ANGPTL1: variants seen among roughly 807,000 people sequenced by gnomAD.
The protein encoded by ANGPTL1 is angiopoietin-related protein 1.
ANGPTL1 carries 36 observed loss-of-function variants against 46.7 expected under a neutral mutation model. The ratio of observed to expected loss-of-function variants is 0.77; its 90% CI spans 0.59 to 1.02. ANGPTL1 has a LOEUF of 1.02. Among genes scored for constraint, ANGPTL1 ranks in the 50% least tolerant of loss-of-function variants. The pLI is 0.00. For synonymous variants in ANGPTL1, 221 were observed against 204.3 expected (o/e 1.08, Z -0.69); for missense variants, 571 against 594.7 (o/e 0.96, Z 0.41).
intron 3 of ANGPTL1, among the ~76,000 whole-genome samples, chr1:178,864,582 T>C (rs1658254005): frequency 6.6e-6 from 1 of 152,048 alleles, no homozygotes; most frequent in South Asian, 2.1e-4. Flanking sequence ...AGGAAGTAAA[T>C]AAAAGAATTG....
intron 1 of ANGPTL1, among the ~76,000 whole-genome samples, chr1:178,869,597 T>C (rs1240206589): frequency 1.3e-5 from 2 of 152,120 alleles, no homozygotes; most frequent in Non-Finnish European, 2.9e-5. Context: ...CACTGTTGCT[T>C]GGAAATTTTG....
At chr1:178,863,193 CA>C in intron 3 of ANGPTL1, among the ~76,000 whole-genome samples, 5 of 152,092 alleles carry the variant, frequency 3.3e-5, no homozygotes, top group Admixed American at 2.6e-4. Flanking sequence ...GAGGGACATG[CA>C]CACAAGAGAC....
chr1:178,850,193 A>C lies in ANGPTL1; in HGVS notation c.*936T>G, dbSNP rs1657082211. ...TTAGTCCCACCTGTTCTGAGCATGC[A>C]CTAATACTTGTAAAGCTGTCCAAAC... On this transcript the variant is annotated 3_prime_UTR_variant, in exon 6 of 6. Transcript: ENST00000234816. The C allele has an allele frequency of 6.6e-6, 1 of 152,640 alleles. No homozygotes were observed. The highest frequency in any genetic ancestry group is 2.1e-4 in the South Asian group (1 of 4,834). 9.5% of individuals were successfully genotyped at this position (152,640 alleles called of 1,614,324 possible). A position where few individuals can be genotyped will look rare whatever the true frequency, so the allele number is the denominator to read the frequency against.
rs758974555 is a variant in ANGPTL1, at chr1:178,865,111, A to ATG, written c.664_665dup (p.Pro224PhefsTer27). Reference sequence around the variant, plus strand: ...GAGTATACTGTTGGCTGTTAGGAATATGTTGTGGCACCACCTGGACAAGTG... The same window carrying ATG: ...GAGTATACTGTTGGCTGTTAGGAATATGTGTTGTGGCACCACCTGGACAAGTG... On this transcript the variant is annotated frameshift_variant, in exon 3 of 6. Transcript: ENST00000234816. LOFTEE classifies it high-confidence loss of function. 1 of 1,575,894 alleles carries ATG rather than the reference A, an allele frequency of 6.3e-7. No individual in the cohort carries two copies. The highest frequency in any genetic ancestry group is 2.2e-5 in the East Asian group (1 of 44,482).
rs1181425591 is a variant in ANGPTL1, at chr1:178,865,378, G to C, written c.399C>G (p.Leu133=). 1 of 1,613,900 alleles carries C rather than the reference G, an allele frequency of 6.2e-7. No individual in the cohort carries two copies. Among genetic ancestry groups the C allele is most frequent in the African/African-American group, 1.3e-5 (1 of 74,894 alleles). The change falls in exon 3 of 6, where the codon CTC becomes CTG. Residue 133 remains leucine (L), a synonymous_variant. Transcript: ENST00000234816. ...SRNMNSRVTQ[L]YMQLLHEIIR... The stretch of plus-strand genomic sequence containing the variant: ...TAATCTCATGTAATAATTGCATATA[G>C]AGTTGAGTAACACGAGAGTTCATGT...
At chr1:178,857,615 T>C (rs1359649885) in intron 3 of ANGPTL1, among the ~76,000 whole-genome samples, 2 of 152,310 alleles carry the variant, frequency 1.3e-5, no homozygotes, top group East Asian at 1.9e-4. Context: ...GAAAGTAGTT[T>C]TGTTACAACA....
intron 2 of ANGPTL1, among the ~76,000 whole-genome samples, chr1:178,867,235 T>G (rs1419841236): frequency 6.6e-6 from 1 of 152,142 alleles, no homozygotes; most frequent in Non-Finnish European, 1.5e-5. Flanking sequence ...CATGTTTTAC[T>G]TATCACCACA....
At chr1:178,857,920 G>A (rs1286698383) in intron 3 of ANGPTL1, among the ~76,000 whole-genome samples, 2 of 152,094 alleles carry the variant, frequency 1.3e-5, no homozygotes, top group Non-Finnish European at 2.9e-5. Flanking sequence ...GATGTTTAAA[G>A]CAAAATAGAG....
chr1:178,866,464 C>T (rs1053836902), intron 2 of ANGPTL1, among the ~76,000 whole-genome samples: 1 of 152,086 alleles, frequency 6.6e-6, no homozygotes, highest in Non-Finnish European at 1.5e-5. Context: ...ATAGAATGCT[C>T]ACAGTCATTG....
intron 3 of ANGPTL1, among the ~76,000 whole-genome samples, chr1:178,864,747 A>G (rs1428758178): frequency 6.6e-6 from 1 of 152,188 alleles, no homozygotes; most frequent in African/African-American, 2.4e-5. Context: ...CACAGAATAC[A>G]TTAAGTTTTT....
intron 3 of ANGPTL1, among the ~76,000 whole-genome samples, 181 bp downstream of exon 3, chr1:178,864,773 T>A (rs944665268): frequency 2.0e-5 from 3 of 152,140 alleles, no homozygotes; most frequent in Non-Finnish European, 4.4e-5. Context: ...CTCCTGGAAC[T>A]TCAGAGCTGG....
chr1:178,860,728 AAT>A (rs1480020436), intron 3 of ANGPTL1, among the ~76,000 whole-genome samples: 2 of 152,276 alleles, frequency 1.3e-5, no homozygotes, highest in Non-Finnish European at 2.9e-5. Flanking sequence ...CACCTCTTAA[AAT>A]ATACATTGTT....
rs1296222333 is a variant in ANGPTL1, at chr1:178,849,615, A to C, written c.*1514T>G. On this transcript the variant is annotated 3_prime_UTR_variant, in exon 6 of 6. Coordinates refer to ENST00000234816, the MANE Select transcript of ANGPTL1 (RefSeq NM_004673.4). ...ATGCCCAGTTCCTTCCAGGAATCTT[A>C]TAACAGATTCTTTGGTTCTGAAGGA... 1 of 151,642 alleles carries C rather than the reference A, an allele frequency of 6.6e-6. No homozygotes were observed. Among genetic ancestry groups the C allele is most frequent in the African/African-American group, 2.4e-5 (1 of 41,092 alleles). The allele number at this position is 151,642 out of a possible 1,614,324, so 9.4% of individuals were successfully genotyped here. A position where few individuals can be genotyped will look rare whatever the true frequency, so the allele number is the denominator to read the frequency against.
Position 178,870,898 on chromosome 1 carries a change from C to CT in ANGPTL1, c.-295dup, listed in dbSNP as rs1207872390. 1.3e-5 allele frequency: 2 copies of CT among 152,010 alleles called. No homozygotes were observed. Among genetic ancestry groups the CT allele is most frequent in the Non-Finnish European group, 2.9e-5 (2 of 68,000 alleles). The allele number at this position is 152,010 out of a possible 1,614,324, so 9.4% of individuals were successfully genotyped here. A position where few individuals can be genotyped will look rare whatever the true frequency, so the allele number is the denominator to read the frequency against. The stretch of plus-strand genomic sequence containing the variant: ...AGCTGTAAGAAGGAACTTCTTTTTC[C>CT]TTTTACAATACTAATCAATTGAATT... On this transcript the variant is annotated 5_prime_UTR_variant, in exon 1 of 6. Transcript: ENST00000234816.
At chr1:178,864,866 T>C (rs1658276623) in intron 3 of ANGPTL1, 88 bp downstream of exon 3, 1 of 916,786 alleles carries the variant, frequency 1.1e-6, no homozygotes, top group African/African-American at 1.7e-5. Context: ...CATCGCAAAA[T>C]GAATAAGCAT....
At chr1:178,864,929 CT>C in intron 3 of ANGPTL1, 24 bp downstream of exon 3, 9 of 1,396,406 alleles carry the variant, frequency 6.4e-6, no homozygotes, top group Non-Finnish European at 7.5e-6. Context: ...CATACTCCCA[CT>C]TTTTACAGTA....
intron 2 of ANGPTL1, among the ~76,000 whole-genome samples, chr1:178,868,672 C>T (rs1658564474): frequency 6.6e-6 from 1 of 151,902 alleles, no homozygotes; most frequent in African/African-American, 2.4e-5. Context: ...TAAATTAAAA[C>T]AAAAACAGCT....
At chr1:178,853,261 C>T in intron 4 of ANGPTL1, 1 of 961,728 alleles carries the variant, frequency 1.0e-6, no homozygotes, top group South Asian at 4.8e-5. Flanking sequence ...AGTATACTAC[C>T]CAGATCCTTA....
intron 3 of ANGPTL1, among the ~76,000 whole-genome samples, chr1:178,859,831 C>CCG (rs1421890795): frequency 9.9e-6 from 1 of 100,560 alleles, no homozygotes; most frequent in African/African-American, 3.6e-5. Context: ...CCCCCCCCCC[C>CCG]CCAACCGCCC....
Sources: gnomAD v4.1 joint callset for allele counts (sites outside exome capture counted in the v4.1 genomes callset) on GRCh38, gnomAD v4.1.1 for gene constraint, MANE v1.5 for transcripts, NCBI Gene and HGNC (gene_info 2026-07-23, HGNC 2026-07-21) for gene names.